The following WDR7 variants were observed in gnomAD, a reference collection of about 807,000 sequenced individuals.
WDR7 encodes the protein WD repeat-containing protein 7.
WDR7 carries 46 observed loss-of-function variants against 169.4 expected under a neutral mutation model. The ratio of observed to expected loss-of-function variants is 0.27; its 90% CI spans 0.21 to 0.35. WDR7 has a LOEUF of 0.35. Among genes scored for constraint, WDR7 ranks in the 10% least tolerant of loss-of-function variants. WDR7 has a pLI of 1.00. For missense variants in WDR7, 1,534 were observed against 1,859.3 expected, an observed-to-expected ratio of 0.83 and a Z score of 3.22; for synonymous variants, 612 against 666.8, an observed-to-expected ratio of 0.92 and a Z score of 1.27.
intron 22 of WDR7, among the ~76,000 whole-genome samples, chr18:56,928,297 C>T (rs1009675586): frequency 3.3e-5 from 5 of 151,878 alleles, no homozygotes; most frequent in Non-Finnish European, 7.4e-5. Flanking sequence ...GACCCCGTCT[C>T]TACAAACAAA....
At chr18:56,999,328 T>C (rs1206196425) in intron 26 of WDR7, among the ~76,000 whole-genome samples, 1 of 152,160 alleles carries the variant, frequency 6.6e-6, no homozygotes, top group Non-Finnish European at 1.5e-5. Flanking sequence ...AAAGTTAAAT[T>C]TGTTAGATGG....
At chr18:56,868,999 T>C (rs934954010) in intron 20 of WDR7, among the ~76,000 whole-genome samples, 1 of 152,056 alleles carries the variant, frequency 6.6e-6, no homozygotes, top group Non-Finnish European at 1.5e-5. Flanking sequence ...AGGTAGAGAA[T>C]AAAGGGAAAT....
chr18:56,852,710 A>G (rs2045658674), intron 20 of WDR7, among the ~76,000 whole-genome samples: 1 of 152,184 alleles, frequency 6.6e-6, no homozygotes, highest in African/African-American at 2.4e-5. Context: ...TTAAATGTAA[A>G]AAAACAAGCA....
chr18:57,011,234 C>T (rs1351714317), intron 26 of WDR7, among the ~76,000 whole-genome samples: 2 of 152,184 alleles, frequency 1.3e-5, no homozygotes, highest in African/African-American at 4.8e-5. Context: ...AAAACTATTA[C>T]TTGCATCATA....
rs960843587 is a variant in WDR7 at position 57,029,191 on chromosome 18, C to T, written c.*1984C>T. 2.4e-4 allele frequency: 36 copies of T among 152,062 alleles called. No homozygotes were observed. Among genetic ancestry groups the T allele is most frequent in the African/African-American group, 8.2e-4 (34 of 41,390 alleles). 9.4% of individuals were successfully genotyped at this position (152,062 alleles called of 1,614,324 possible). ...GGTGTGAGAGTGGTAGGCAGCCTGC[C>T]GCAAACACACGGATGGCTCCCCCCG... On this transcript the variant is annotated 3_prime_UTR_variant, in exon 28 of 28. Transcript: ENST00000254442.
intron 14 of WDR7, 101 bp downstream of exon 14, chr18:56,731,698 C>A (rs1212196750): frequency 9.5e-7 from 1 of 1,052,216 alleles, no homozygotes; most frequent in Non-Finnish European, 1.3e-6. Context: ...TGAGAAATGA[C>A]CCTTGAAAAA....
At chr18:57,000,826 A>G (rs777018081) in intron 26 of WDR7, among the ~76,000 whole-genome samples, 1 of 152,138 alleles carries the variant, frequency 6.6e-6, no homozygotes, top group Non-Finnish European at 1.5e-5. Flanking sequence ...TCTTTAGCGT[A>G]TAGAGGTTTA....
intron 14 of WDR7, among the ~76,000 whole-genome samples, chr18:56,750,720 CTT>C (rs1260572716): frequency 6.6e-6 from 1 of 152,162 alleles, no homozygotes; most frequent in African/African-American, 2.4e-5. Context: ...ACATGAATAT[CTT>C]ATGACTAAGC....
At chr18:56,953,677 G>C (rs1186506229) in intron 25 of WDR7, among the ~76,000 whole-genome samples, 1 of 152,206 alleles carries the variant, frequency 6.6e-6, no homozygotes, top group East Asian at 1.9e-4. Context: ...AGGACACACA[G>C]AAGAGACCCA....
intron 26 of WDR7, among the ~76,000 whole-genome samples, chr18:56,978,406 T>A (rs1329370367): frequency 1.3e-5 from 2 of 152,232 alleles, no homozygotes; most frequent in African/African-American, 4.8e-5. Context: ...AGTGCTACTA[T>A]ATATCAGACA....
chr18:56,882,073 C>T (rs935211837), intron 21 of WDR7, among the ~76,000 whole-genome samples: 3 of 152,160 alleles, frequency 2.0e-5, no homozygotes, highest in Admixed American at 1.3e-4. Context: ...CCTCTACGGC[C>T]AACAACTACA....
chr18:56,884,142 C>T (rs1313705907), intron 21 of WDR7, among the ~76,000 whole-genome samples: 6 of 152,238 alleles, frequency 3.9e-5, no homozygotes, highest in Admixed American at 2.6e-4. Flanking sequence ...GGTGTAAAAG[C>T]GTTCCCTTTT....
At chr18:56,666,102 G>A (rs563637264) in intron 1 of WDR7, among the ~76,000 whole-genome samples, 1 of 152,110 alleles carries the variant, frequency 6.6e-6, no homozygotes, top group South Asian at 2.1e-4. Flanking sequence ...CTTGTCTGCT[G>A]GGAGCTCTCT....
chr18:56,737,074 A>G (rs2026716191), intron 14 of WDR7, among the ~76,000 whole-genome samples: 1 of 152,204 alleles, frequency 6.6e-6, no homozygotes. Context: ...AGATGCTTAT[A>G]ATTCTTTGGA....
chr18:56,766,375 CA>C (rs2044066851), intron 16 of WDR7, among the ~76,000 whole-genome samples: 1 of 152,072 alleles, frequency 6.6e-6, no homozygotes, highest in African/African-American at 2.4e-5. Context: ...ACTGAAATTA[CA>C]TGTACGTTAG....
At chr18:56,740,429 C>A (rs1450926386) in intron 14 of WDR7, among the ~76,000 whole-genome samples, 1 of 152,040 alleles carries the variant, frequency 6.6e-6, no homozygotes, top group Non-Finnish European at 1.5e-5. Flanking sequence ...CAGTTATATG[C>A]TGTAATCTCT....
chr18:56,937,754 G>A (rs1200795098), intron 23 of WDR7, among the ~76,000 whole-genome samples: 1 of 152,160 alleles, frequency 6.6e-6, no homozygotes, highest in Non-Finnish European at 1.5e-5. Context: ...TCCTCAAACA[G>A]TAAGGGAGTT....
intron 25 of WDR7, among the ~76,000 whole-genome samples, chr18:56,952,560 A>G (rs1221434667): frequency 6.6e-5 from 10 of 152,238 alleles, no homozygotes; most frequent in Non-Finnish European, 1.2e-4. Context: ...AGACTATTTA[A>G]TGAACAAAGA....
intron 15 of WDR7, among the ~76,000 whole-genome samples, chr18:56,757,901 C>A (rs142084352): frequency 4.0e-5 from 6 of 151,506 alleles, no homozygotes; most frequent in Non-Finnish European, 7.4e-5. Flanking sequence ...CCTGGAAGTT[C>A]GTGGCTGCAG....
Sources: allele counts gnomAD v4.1 joint callset (sites outside exome capture counted in the v4.1 genomes callset), GRCh38; gene constraint gnomAD v4.1.1; transcripts MANE v1.5; gene names NCBI Gene and HGNC (gene_info 2026-07-23, HGNC 2026-07-21).